DIP2B: variants seen among roughly 807,000 people sequenced by gnomAD.
DIP2B encodes the protein DIP2 acetate--CoA ligase B (putative).
In DIP2B, 76 loss-of-function variants were observed where a neutral mutation model predicts 198.0. That is an observed-to-expected ratio of 0.38 (90% CI 0.32 to 0.46). The LOEUF (loss-of-function observed/expected upper bound fraction) is 0.46. Among genes scored for constraint, DIP2B ranks in the 20% least tolerant of loss-of-function variants. The pLI, the probability that DIP2B is intolerant of heterozygous loss-of-function variation, is 0.99. For missense variants in DIP2B, 1,559 were observed against 1,978.4 expected, an observed-to-expected ratio of 0.79 and a Z score of 4.02; for synonymous variants, 701 against 739.1, an observed-to-expected ratio of 0.95 and a Z score of 0.84.
At chr12:50,709,893 G>A (rs1473200051) in intron 22 of DIP2B, among the ~76,000 whole-genome samples, 1 of 152,090 alleles carries the variant, frequency 6.6e-6, no homozygotes, top group Non-Finnish European at 1.5e-5. Flanking sequence ...TAGGAGGATC[G>A]CTTGAGCCAG....
chr12:50,542,752 C>T (rs1338858048), intron 1 of DIP2B, among the ~76,000 whole-genome samples: 1 of 152,220 alleles, frequency 6.6e-6, no homozygotes, highest in Non-Finnish European at 1.5e-5. Context: ...TATGATTACA[C>T]TGTTTCTCGT....
chr12:50,545,047 C>T (rs1958364029), intron 1 of DIP2B, among the ~76,000 whole-genome samples: 1 of 152,074 alleles, frequency 6.6e-6, no homozygotes, highest in Admixed American at 6.6e-5. Context: ...ATGACTGTAC[C>T]ACATTCATTT....
chr12:50,725,659 T>C (rs1336881046), intron 28 of DIP2B, among the ~76,000 whole-genome samples: 1 of 152,234 alleles, frequency 6.6e-6, no homozygotes, highest in Admixed American at 6.5e-5. Flanking sequence ...CTAATCTTCA[T>C]TGAGCCCTTA....
At chr12:50,539,233 T>C (rs1034814853) in intron 1 of DIP2B, among the ~76,000 whole-genome samples, 4 of 105,382 alleles carry the variant, frequency 3.8e-5, no homozygotes, top group African/African-American at 1.4e-4. Context: ...TCTTTTCTTT[T>C]TTCTTTTTTT....
chr12:50,585,521 G>A (rs1316004595), intron 1 of DIP2B, among the ~76,000 whole-genome samples: 1 of 152,146 alleles, frequency 6.6e-6, no homozygotes, highest in Non-Finnish European at 1.5e-5. Flanking sequence ...AGAGTGTTCT[G>A]GCAAAGGAAC....
intron 30 of DIP2B, 87 bp from the exon 31 acceptor site, chr12:50,731,282 G>A (rs138135260): frequency 1.3e-5 from 19 of 1,504,446 alleles, no homozygotes; most frequent in Non-Finnish European, 1.5e-5. Flanking sequence ...TTTACACTCA[G>A]TAAATATCTG....
intron 1 of DIP2B, among the ~76,000 whole-genome samples, chr12:50,617,790 CAG>C (rs1275738958): frequency 6.6e-6 from 1 of 152,076 alleles, no homozygotes; most frequent in Non-Finnish European, 1.5e-5. Context: ...ACCTGGGCAA[CAG>C]AGAGAGACTC....
At chr12:50,691,197 G>A (rs1471707467) in intron 13 of DIP2B, 46 bp downstream of exon 13, 3 of 1,532,196 alleles carry the variant, frequency 2.0e-6, no homozygotes, top group East Asian at 2.3e-5. Flanking sequence ...CTTCAGAGAT[G>A]TGTGACTGTG....
chr12:50,623,209 T>C (rs1441423389), intron 1 of DIP2B, among the ~76,000 whole-genome samples: 1 of 151,276 alleles, frequency 6.6e-6, no homozygotes, highest in African/African-American at 2.4e-5. Flanking sequence ...CAAAGCGAGA[T>C]TCTGTCTTGA....
chr12:50,623,392 TACACACACACACACACACAC>T (rs55689070), intron 1 of DIP2B, among the ~76,000 whole-genome samples: 1 of 94,400 alleles, frequency 1.1e-5, no homozygotes, highest in Non-Finnish European at 2.1e-5. Context: ...TATATGTATC[TACACACACACACACACACAC>T]ACACACACAC....
chr12:50,644,924 G>A (rs970329701), intron 3 of DIP2B, among the ~76,000 whole-genome samples: 1 of 152,058 alleles, frequency 6.6e-6, no homozygotes, highest in Non-Finnish European at 1.5e-5. Flanking sequence ...AATTTGATTT[G>A]CTGTTGTCTG....
chr12:50,735,695 C>T (rs1031208139), intron 34 of DIP2B, among the ~76,000 whole-genome samples: 1 of 152,088 alleles, frequency 6.6e-6, no homozygotes, highest in Non-Finnish European at 1.5e-5. Context: ...GAACTCCTGA[C>T]ATCAGGTGAT....
At chr12:50,631,320 G>A (rs962978095) in intron 2 of DIP2B, among the ~76,000 whole-genome samples, 10 of 151,812 alleles carry the variant, frequency 6.6e-5, no homozygotes, top group African/African-American at 2.2e-4. Flanking sequence ...TCTACCTCCT[G>A]GGTTCAAGCA....
intron 19 of DIP2B, among the ~76,000 whole-genome samples, chr12:50,702,468 A>G (rs983984087): frequency 6.6e-6 from 1 of 152,104 alleles, no homozygotes. Context: ...AGGCTGAGGC[A>G]GGAGAATCTC....
intron 35 of DIP2B, among the ~76,000 whole-genome samples, chr12:50,737,349 G>C (rs1940155877): frequency 6.6e-6 from 1 of 152,130 alleles, no homozygotes; most frequent in Non-Finnish European, 1.5e-5. Flanking sequence ...CATGCCCTTA[G>C]CTAGAAAGGA....
At chr12:50,533,830 T>G (rs890849671) in intron 1 of DIP2B, among the ~76,000 whole-genome samples, 2 of 152,118 alleles carry the variant, frequency 1.3e-5, no homozygotes, top group African/African-American at 4.8e-5. Flanking sequence ...TCAAGTGATC[T>G]GCCTGCCTTT....
intron 1 of DIP2B, among the ~76,000 whole-genome samples, chr12:50,530,178 G>T (rs762984368): frequency 6.6e-6 from 1 of 152,054 alleles, no homozygotes. Context: ...CTGGGTTCAT[G>T]CCATTCTCCC....
intron 1 of DIP2B, among the ~76,000 whole-genome samples, chr12:50,559,740 C>CACACACACAT (rs1958502331): frequency 6.6e-6 from 1 of 151,606 alleles, no homozygotes; most frequent in African/African-American, 2.4e-5. Flanking sequence ...CACACACACA[C>CACACACACAT]ACACAATTTC....
At chr12:50,659,475 G>C (rs1008459035) in intron 3 of DIP2B, among the ~76,000 whole-genome samples, 1 of 141,114 alleles carries the variant, frequency 7.1e-6, no homozygotes, top group Non-Finnish European at 1.6e-5. Context: ...TTTTGTAAGA[G>C]TTTTTTTTTT....
Sources: allele counts gnomAD v4.1 joint callset (sites outside exome capture counted in the v4.1 genomes callset), GRCh38; gene constraint gnomAD v4.1.1; transcripts MANE v1.5; gene names NCBI Gene and HGNC (gene_info 2026-07-23, HGNC 2026-07-21).